Variants in ARID1B observed in about 807,000 individuals in gnomAD.
ARID1B encodes the protein AT-rich interaction domain 1B.
A neutral mutation model predicts 212.3 loss-of-function variants in ARID1B; 30 were observed. That is an observed-to-expected ratio of 0.14 (90% CI 0.11 to 0.19). The LOEUF (loss-of-function observed/expected upper bound fraction) is 0.19. Among genes scored for constraint, ARID1B ranks in the 10% least tolerant of loss-of-function variants. The pLI, the probability that ARID1B is intolerant of heterozygous loss-of-function variation, is 1.00. For synonymous variants in ARID1B, 1,402 were observed against 1,301.7 expected, an observed-to-expected ratio of 1.08 and a Z score of -1.66; for missense variants, 2,891 against 3,204.0, an observed-to-expected ratio of 0.90 and a Z score of 2.36.
At chr6:156,893,440 C>T (rs913522261) in intron 2 of ARID1B, among the ~76,000 whole-genome samples, 6 of 152,032 alleles carry the variant, frequency 3.9e-5, no homozygotes, top group African/African-American at 1.4e-4. Context: ...AATTGGAGTA[C>T]GTCAAAGTTT....
At chr6:156,950,024 A>G (rs778956983) in intron 4 of ARID1B, among the ~76,000 whole-genome samples, 33 of 152,220 alleles carry the variant, frequency 2.2e-4, no homozygotes, top group Non-Finnish European at 3.8e-4. Context: ...TGGACAATTA[A>G]AATATGTTGA....
At chr6:156,945,478 T>G (rs1793050573) in intron 4 of ARID1B, among the ~76,000 whole-genome samples, 1 of 151,858 alleles carries the variant, frequency 6.6e-6, no homozygotes. Context: ...TGCGGCCTCC[T>G]GGCACCTGTG....
At chr6:157,012,309 C>T (rs1779662194) in intron 4 of ARID1B, among the ~76,000 whole-genome samples, 1 of 152,188 alleles carries the variant, frequency 6.6e-6, no homozygotes, top group Non-Finnish European at 1.5e-5. Context: ...AGGCAAAAAA[C>T]TGCAATGACA....
At chr6:157,052,345 T>A (rs960212021) in intron 4 of ARID1B, among the ~76,000 whole-genome samples, 1 of 152,216 alleles carries the variant, frequency 6.6e-6, no homozygotes, top group African/African-American at 2.4e-5. Flanking sequence ...TAGATCCGTG[T>A]GGAACCAAGT....
chr6:157,169,786 A>G (rs1490601516), intron 9 of ARID1B: 3 of 152,164 alleles, frequency 2.0e-5, no homozygotes, highest in South Asian at 4.1e-4. Context: ...ACCAGACGCT[A>G]CTCTACAAAA....
chr6:156,988,199 T>A (rs1778054952), intron 4 of ARID1B, among the ~76,000 whole-genome samples: 1 of 152,110 alleles, frequency 6.6e-6, no homozygotes, highest in African/African-American at 2.4e-5. Context: ...GCTTGAAGGG[T>A]GAGAAGGGAG....
intron 4 of ARID1B, among the ~76,000 whole-genome samples, chr6:156,990,469 C>T (rs1054968298): frequency 6.6e-5 from 10 of 151,974 alleles, no homozygotes; most frequent in African/African-American, 2.2e-4. Context: ...GGTGAAACCC[C>T]GTCTCTACTA....
chr6:157,167,368 A>G (rs1272544975), intron 9 of ARID1B, 183 bp downstream of exon 9: 2 of 562,326 alleles, frequency 3.6e-6, no homozygotes, highest in Non-Finnish European at 5.7e-6. Context: ...ATTACATTAT[A>G]TTTTATGTAA....
intron 4 of ARID1B, among the ~76,000 whole-genome samples, chr6:157,053,946 CGGGCACA>C: frequency 6.6e-6 from 1 of 151,408 alleles, no homozygotes. Context: ...AACATTAGGC[CGGGCACA>C]GGGGCTCATG....
At chr6:156,966,881 G>A (rs1794803639) in intron 4 of ARID1B, among the ~76,000 whole-genome samples, 1 of 150,244 alleles carries the variant, frequency 6.7e-6, no homozygotes, top group Non-Finnish European at 1.5e-5. Context: ...TATATTTTTA[G>A]TAGAGATGGG....
intron 5 of ARID1B, among the ~76,000 whole-genome samples, chr6:157,099,567 A>G (rs950834920): frequency 2.6e-5 from 4 of 152,192 alleles, no homozygotes; most frequent in East Asian, 1.9e-4. Context: ...GTTTGAATCT[A>G]TGATAGCAGG....
chr6:156,819,553 G>GT (rs1174798546), intron 1 of ARID1B, among the ~76,000 whole-genome samples: 3 of 152,204 alleles, frequency 2.0e-5, no homozygotes, highest in African/African-American at 7.2e-5. Context: ...CTAATAATAG[G>GT]TTTTGCCAAT....
At position 156,883,229 on chromosome 6, in the gene ARID1B, G is replaced by A. The variant is rs376447115; in HGVS notation, c.1987-18147G>A. 1.3e-4 allele frequency among the ~76,000 whole-genome samples: 20 copies of A among 152,232 alleles called. No individual in the cohort carries two copies. In the South Asian group the frequency reaches 2.1e-3, roughly 16 times the overall value. On this transcript the variant is annotated intron_variant, in intron 2 of 19. Coordinates refer to ENST00000636930, the MANE Select transcript of ARID1B (RefSeq NM_001374828.1). Reference sequence around the variant, plus strand: ...CGTCTTTATTCTTGGTAGCATTATTGTAAATTTGGGGTAGTAGTTATAATT... The same window carrying A: ...CGTCTTTATTCTTGGTAGCATTATTATAAATTTGGGGTAGTAGTTATAATT...
In ARID1B at chr6:156,829,701, C is replaced by T. The variant is rs192587515; in HGVS notation, c.1986+280C>T. Reference sequence around the variant, plus strand: ...GTCATAAATTTGCAGCAGGTTATAACAGATGTAAGCTCTGAAGTGAACTTG... The same window carrying T: ...GTCATAAATTTGCAGCAGGTTATAATAGATGTAAGCTCTGAAGTGAACTTG... On this transcript the variant is annotated intron_variant, in intron 2 of 19. Coordinates refer to ENST00000636930, the MANE Select transcript of ARID1B (RefSeq NM_001374828.1). 2.1e-3 allele frequency: 637 copies of T among 305,236 alleles called. 3 individuals are homozygous for T. The highest frequency in any genetic ancestry group is 4.6e-3 in the Middle Eastern group (5 of 1,092). The allele number at this position is 305,236 out of a possible 1,614,324, so 18.9% of individuals were successfully genotyped here.
chr6:157,058,697 G>A (rs1449935516), intron 4 of ARID1B, among the ~76,000 whole-genome samples: 3 of 152,354 alleles, frequency 2.0e-5, no homozygotes, highest in South Asian at 2.1e-4. Context: ...GGCTCACAGC[G>A]TCTTCCTGCC....
chr6:157,154,036 T>C (rs1384195424), intron 8 of ARID1B, among the ~76,000 whole-genome samples: 3 of 152,236 alleles, frequency 2.0e-5, no homozygotes, highest in African/African-American at 4.8e-5. Context: ...ATTCCATGTG[T>C]CTTACGTCCT....
At chr6:156,890,761 GA>G (rs1787864541) in intron 2 of ARID1B, among the ~76,000 whole-genome samples, 1 of 152,234 alleles carries the variant, frequency 6.6e-6, no homozygotes, top group Admixed American at 6.5e-5. Context: ...AGAGAAGCCA[GA>G]TAGAATTGGA....
intron 6 of ARID1B, among the ~76,000 whole-genome samples, chr6:157,118,017 G>A (rs1024522439): frequency 2.0e-5 from 3 of 152,130 alleles, no homozygotes; most frequent in Non-Finnish European, 4.4e-5. Flanking sequence ...TGACCCAGGG[G>A]CATTTAGATA....
At chr6:157,189,956 A>G in intron 14 of ARID1B, 82 bp from the exon 15 acceptor site, 1 of 1,586,078 alleles carries the variant, frequency 6.3e-7, no homozygotes, top group Non-Finnish European at 8.6e-7. Context: ...TGCACATTTC[A>G]AGATGGGTTC....
Sources: allele counts gnomAD v4.1 joint callset (sites outside exome capture counted in the v4.1 genomes callset), GRCh38; gene constraint gnomAD v4.1.1; transcripts MANE v1.5; gene names NCBI Gene and HGNC (gene_info 2026-07-23, HGNC 2026-07-21).